Variants in LCA5L observed in about 807,000 individuals in gnomAD.
LCA5L encodes the protein lebercilin-like protein.
Under a neutral mutation model 45.4 loss-of-function variants are expected in LCA5L, and 35 were observed. The ratio of observed to expected loss-of-function variants is 0.77; its 90% CI spans 0.59 to 1.02. The LOEUF (loss-of-function observed/expected upper bound fraction) is 1.02, where lower values mean the gene tolerates loss of function less well. Among genes scored for constraint, LCA5L ranks in the 50% least tolerant of loss-of-function variants. The pLI, the probability that LCA5L is intolerant of heterozygous loss-of-function variation, is 0.00. For synonymous variants in LCA5L, 233 were observed against 264.7 expected (o/e 0.88, Z 1.16); for missense variants, 668 against 761.6 (o/e 0.88, Z 1.45).
In LCA5L at chr21:39,445,717, G is replaced by A. The variant is rs932473055; in HGVS notation, c.-313+8C>T. The A allele has an allele frequency of 3.9e-5, 6 of 152,370 alleles. No individual in the cohort carries two copies. Among genetic ancestry groups the A allele is most frequent in the Non-Finnish European group, 8.8e-5 (6 of 68,166 alleles). 9.4% of individuals were successfully genotyped at this position (152,370 alleles called of 1,614,324 possible). ...TGAGGGGGACGACGGCAGCAGCGGG[G>A]CCGTTACCTGCTCCGCGCTGTTCCC... On this transcript the variant is annotated splice_region_variant and intron_variant, in intron 1 of 10. Coordinates refer to ENST00000288350, the MANE Select transcript of LCA5L (RefSeq NM_152505.4).
chr21:39,428,181 G>T lies in LCA5L; in HGVS notation c.313C>A (p.Gln105Lys). ...KKKYNVSKIS[Q>K]SKGQKEISVE... ...AAATTTTACTCCTTACCTTTAGATT[G>T]GGAGATTTTAGAAACATTATACTTT... is the stretch of plus-strand genomic sequence containing the variant. The change falls in exon 5 of 11, where the codon CAA becomes AAA. Residue 105 changes from glutamine to lysine, a missense_variant. Gln to Lys is a moderately conservative substitution (Grantham distance 53). Coordinates refer to ENST00000288350, the MANE Select transcript of LCA5L (RefSeq NM_152505.4). 1 of 1,571,172 alleles carries T rather than the reference G, an allele frequency of 6.4e-7. No individual in the cohort carries two copies. The highest frequency in any genetic ancestry group is 8.7e-7 in the Non-Finnish European group (1 of 1,154,338).
In LCA5L at chr21:39,406,777, A is replaced by G; in HGVS notation, c.1283-165T>C. 1.4e-5 allele frequency: 8 copies of G among 567,434 alleles called. No individual in the cohort carries two copies. In the South Asian group the frequency reaches 2.2e-4, roughly 15 times the overall value. 35.1% of individuals were successfully genotyped at this position (567,434 alleles called of 1,614,324 possible). On this transcript the variant is annotated intron_variant, in intron 10 of 10. Coordinates refer to ENST00000288350, the MANE Select transcript of LCA5L (RefSeq NM_152505.4). Reference sequence around the variant, plus strand: ...ACAAAAGATTACAGAGAAAGGTGCTATTAACAAATGTGTTATGTTACAGTT... The same window carrying G: ...ACAAAAGATTACAGAGAAAGGTGCTGTTAACAAATGTGTTATGTTACAGTT...
intron 5 of LCA5L, 59 bp downstream of exon 5, chr21:39,428,113 A>G: frequency 1.1e-6 from 1 of 928,270 alleles, no homozygotes; most frequent in Non-Finnish European, 1.7e-6. Flanking sequence ...ACACTAGTGC[A>G]GTAAAATAAC....
In LCA5L at chr21:39,420,707, T is replaced by A. The variant is rs749190278; in HGVS notation, c.974A>T (p.Lys325Met). 1.6e-5 allele frequency: 25 copies of A among 1,609,236 alleles called. No homozygotes were observed. In the East Asian group the frequency reaches 2.2e-4, roughly 14 times the overall value. The stretch of plus-strand genomic sequence containing the variant: ...TACATTTTGTTTTAAAAGAAATACC[T>A]TAAGTTTTTGTTGAAGGTGTTTTAC... ...VEVKHLQQKL[K>M]EKDRELEIKN... The change falls in exon 7 of 11, where the codon AAG becomes ATG. Residue 325 changes from lysine (K) to methionine (M), a missense_variant and splice_region_variant. By Grantham distance (95) the Lys-to-Met change is moderately conservative. Coordinates refer to ENST00000288350, the MANE Select transcript of LCA5L (RefSeq NM_152505.4).
At chr21:39,431,791 C>T (rs1313119183) in intron 3 of LCA5L, among the ~76,000 whole-genome samples, 1 of 152,166 alleles carries the variant, frequency 6.6e-6, no homozygotes, top group Non-Finnish European at 1.5e-5. Context: ...GCTGGGATTA[C>T]AGGTGTAAGC....
chr21:39,440,817 TTGAA>T (rs199987329), intron 2 of LCA5L, among the ~76,000 whole-genome samples: 2,055 of 152,318 alleles, frequency 0.013, 23 homozygotes, highest in Non-Finnish European at 0.02. Flanking sequence ...GGTCTTCCTA[TTGAA>T]TGAAAGGCTT....
chr21:39,420,450 G>A (rs958894538), intron 7 of LCA5L, among the ~76,000 whole-genome samples: 1 of 143,262 alleles, frequency 7.0e-6, no homozygotes, highest in African/African-American at 2.6e-5. Flanking sequence ...TTGAACCTGG[G>A]AGGCAGAGGC....
At chr21:39,428,129 T>G (rs1377022288) in intron 5 of LCA5L, 43 bp downstream of exon 5, 1 of 1,140,760 alleles carries the variant, frequency 8.8e-7, no homozygotes, top group South Asian at 1.5e-5. Context: ...ATAACATCAT[T>G]ATGACAGAAA....
rs752179095 is a variant in LCA5L, at chr21:39,423,294, T to C, written c.519A>G (p.Gln173=). 7 of 1,608,820 alleles carry C rather than the reference T, an allele frequency of 4.4e-6. No homozygotes were observed. In the Admixed American group the frequency reaches 1.0e-4, roughly 23 times the overall value. ...HKLEAILTEN[Q]FLKQLQLRHL... ...GCCTAAGCTGAAGTTGTTTCAAAAA[T>C]TGGTTTTCTGTAAGGATGGCTTCCA... is the stretch of plus-strand genomic sequence containing the variant. The change falls in exon 6 of 11, where the codon CAA becomes CAG. Residue 173 remains glutamine, a synonymous_variant. Transcript: ENST00000288350.
At chr21:39,417,947 T>G (rs2041561777) in intron 7 of LCA5L, among the ~76,000 whole-genome samples, 1 of 152,102 alleles carries the variant, frequency 6.6e-6, no homozygotes, top group Non-Finnish European at 1.5e-5. Flanking sequence ...TTGTATTTTT[T>G]AGTAGAGATG....
Position 39,409,969 on chromosome 21 carries a change from T to G in LCA5L, c.1282+10A>C. 7.1e-7 allele frequency: 1 copy of G among 1,405,010 alleles called. No homozygotes were observed. Among genetic ancestry groups the G allele is most frequent in the Non-Finnish European group, 1.0e-6 (1 of 996,818 alleles). The allele number at this position is 1,405,010 out of a possible 1,614,324, so 87.0% of individuals were successfully genotyped here. A position where few individuals can be genotyped will look rare whatever the true frequency, so the allele number is the denominator to read the frequency against. ...ATCAGATAAGATAGACTTTAAAGAG[T>G]TAAAATTACCTTCATATTTTCTCTT... On this transcript the variant is annotated intron_variant, in intron 10 of 10. Coordinates refer to ENST00000288350, the MANE Select transcript of LCA5L (RefSeq NM_152505.4). The surrounding 1 kb of genome is among the most constrained non-coding windows in gnomAD (Gnocchi z 4.2).
chr21:39,421,480 T>G (rs2073762110), intron 6 of LCA5L: 1 of 152,212 alleles, frequency 6.6e-6, no homozygotes, highest in Admixed American at 6.5e-5. Context: ...TAAAAGGGAC[T>G]CAAACCACCA....
intron 5 of LCA5L, among the ~76,000 whole-genome samples, chr21:39,424,105 C>T (rs753826809): frequency 3.3e-5 from 5 of 152,020 alleles, no homozygotes; most frequent in South Asian, 2.1e-4. Context: ...CTCTGCATCC[C>T]GGGTTCAAGC....
Position 39,423,054 on chromosome 21 carries a change from G to A in LCA5L, c.759C>T (p.Asn253=). 6.2e-7 allele frequency: 1 copy of A among 1,613,990 alleles called. No individual in the cohort carries two copies. Among genetic ancestry groups the A allele is most frequent in the Non-Finnish European group, 8.5e-7 (1 of 1,179,894 alleles). ...QALQKLSEDK[N]LAEREELTHK... ...GAGTGAGTTCTTCCCTTTCTGCAAG[G>A]TTTTTGTCTTCAGAAAGTTTCTGCA... Residue 253 remains asparagine, a synonymous_variant, in exon 6 of 11, where the codon AAC becomes AAT. Coordinates refer to ENST00000288350, the MANE Select transcript of LCA5L (RefSeq NM_152505.4).
intron 1 of LCA5L, among the ~76,000 whole-genome samples, chr21:39,444,404 A>G (rs2077204170): frequency 6.6e-6 from 1 of 152,232 alleles, no homozygotes; most frequent in South Asian, 2.1e-4. Flanking sequence ...GGATGCTTAT[A>G]TGGCCTTGCT....
intron 2 of LCA5L, among the ~76,000 whole-genome samples, chr21:39,440,361 A>G (rs750962997): frequency 6.6e-6 from 1 of 152,178 alleles, no homozygotes; most frequent in Non-Finnish European, 1.5e-5. Flanking sequence ...TAAGGAGGAT[A>G]CATCAGCCTG....
At chr21:39,430,721 T>C (rs185496571) in intron 3 of LCA5L, among the ~76,000 whole-genome samples, 1 of 152,284 alleles carries the variant, frequency 6.6e-6, no homozygotes, top group Non-Finnish European at 1.5e-5. Context: ...CTCCGTGGGC[T>C]CTGACTGACA....
intron 4 of LCA5L, 81 bp from the exon 5 acceptor site, chr21:39,428,584 A>G (rs2075200529): frequency 3.0e-5 from 1 of 33,132 alleles, no homozygotes; most frequent in Non-Finnish European, 6.6e-5. Flanking sequence ...TATTTTATAT[A>G]TATATATATA....
intron 2 of LCA5L, among the ~76,000 whole-genome samples, chr21:39,440,535 C>A (rs925715023): frequency 4.7e-5 from 7 of 149,466 alleles, no homozygotes; most frequent in African/African-American, 1.5e-4. Context: ...GACCCTGTCT[C>A]AAAAAAAAAC....
Sources: allele counts gnomAD v4.1 joint callset (sites outside exome capture counted in the v4.1 genomes callset), GRCh38; gene constraint gnomAD v4.1.1; non-coding constraint Gnocchi (gnomAD v3.1); transcripts MANE v1.5; gene names NCBI Gene and HGNC (gene_info 2026-07-23, HGNC 2026-07-21).